Variants in THSD4 observed in about 807,000 individuals in gnomAD.
THSD4 encodes the protein thrombospondin type 1 domain containing 4.
THSD4 carries 69 observed loss-of-function variants against 119.0 expected under a neutral mutation model. The ratio of observed to expected loss-of-function variants is 0.58; its 90% CI spans 0.48 to 0.71. The LOEUF (loss-of-function observed/expected upper bound fraction) is 0.71, where lower values mean the gene tolerates loss of function less well. THSD4 is among the 30% of genes least tolerant of loss of function. The probability of loss-of-function intolerance (pLI) is 0.00; values close to 1 mark genes in which losing one functional copy is unlikely to be tolerated. For missense variants in THSD4, 1,393 were observed against 1,391.1 expected (o/e 1.00, Z -0.02); for synonymous variants, 524 against 540.4 (o/e 0.97, Z 0.42).
chr15:71,273,558 G>C (rs771501042), intron 6 of THSD4, among the ~76,000 whole-genome samples: 49 of 152,094 alleles, frequency 3.2e-4, no homozygotes, highest in Non-Finnish European at 5.9e-5. Context: ...TCACCACAAA[G>C]AAATAAGTAT....
Position 71,660,692 on chromosome 15 carries a change from A to G in THSD4, c.1315A>G (p.Lys439Glu). 1.2e-5 allele frequency: 19 copies of G among 1,614,158 alleles called. No individual in the cohort carries two copies. Among genetic ancestry groups the G allele is most frequent in the Non-Finnish European group, 1.6e-5 (19 of 1,180,014 alleles). ...CGTGGAGATTCCCGAGGGAGCCACG[A>G]AAATCAACATCACGGAGATGTACAA... ...RVVEIPEGAT[K>E]INITEMYKSN... The change falls in exon 8 of 18, where the codon AAA (lysine) becomes GAA (glutamate). Residue 439 changes from lysine (K) to glutamate (E), a missense_variant. By Grantham distance (56) the Lys-to-Glu change is moderately conservative. Transcript: ENST00000261862.
intron 8 of THSD4, among the ~76,000 whole-genome samples, chr15:71,726,391 C>G (rs2052838589): frequency 6.6e-6 from 1 of 152,228 alleles, no homozygotes; most frequent in African/African-American, 2.4e-5. Context: ...AGAAAAAGTT[C>G]TTATATTTTA....
chr15:71,699,039 A>G (rs2052228252), intron 8 of THSD4, among the ~76,000 whole-genome samples: 2 of 152,178 alleles, frequency 1.3e-5, no homozygotes, highest in South Asian at 4.2e-4. Flanking sequence ...TTGCATACTT[A>G]AAAATGTGTT....
intron 7 of THSD4, among the ~76,000 whole-genome samples, chr15:71,489,424 A>G (rs1409438867): frequency 6.6e-6 from 1 of 152,110 alleles, no homozygotes; most frequent in Non-Finnish European, 1.5e-5. Context: ...AATTGCATAA[A>G]TCTCAGGCCG....
At chr15:71,688,912 C>T (rs1214008258) in intron 8 of THSD4, among the ~76,000 whole-genome samples, 1 of 152,076 alleles carries the variant, frequency 6.6e-6, no homozygotes, top group Non-Finnish European at 1.5e-5. Context: ...ACAGATGTTC[C>T]AGAACCACGT....
intron 1 of THSD4, among the ~76,000 whole-genome samples, chr15:71,107,608 C>G (rs1414266502): frequency 2.0e-5 from 3 of 152,324 alleles, no homozygotes; most frequent in East Asian, 3.9e-4. Flanking sequence ...AAGTTTGTAT[C>G]TTAATCTACA....
At chr15:71,516,383 C>T (rs1289079165) in intron 7 of THSD4, among the ~76,000 whole-genome samples, 2 of 152,142 alleles carry the variant, frequency 1.3e-5, no homozygotes, top group Non-Finnish European at 2.9e-5. Context: ...AACAACCTCA[C>T]GGCTTGGCTT....
At chr15:71,224,759 C>T (rs1280239323) in intron 4 of THSD4, among the ~76,000 whole-genome samples, 2 of 152,158 alleles carry the variant, frequency 1.3e-5, no homozygotes, top group Non-Finnish European at 2.9e-5. Flanking sequence ...CCTCCCATCA[C>T]TCTAATCTCT....
chr15:71,613,924 GTAGACTAGAC>G (rs1451144118), intron 7 of THSD4, among the ~76,000 whole-genome samples: 1 of 152,184 alleles, frequency 6.6e-6, no homozygotes, highest in Non-Finnish European at 1.5e-5. Context: ...TTTGCTGCAT[GTAGACTAGAC>G]CATAAACTCA....
At chr15:71,479,960 G>C (rs555027703) in intron 7 of THSD4, among the ~76,000 whole-genome samples, 38 of 152,282 alleles carry the variant, frequency 2.5e-4, no homozygotes, top group Non-Finnish European at 2.8e-4. Flanking sequence ...GTGTGTGTAA[G>C]CACACATATG....
At chr15:71,670,830 C>CT (rs199564583) in intron 8 of THSD4, among the ~76,000 whole-genome samples, 1 of 151,232 alleles carries the variant, frequency 6.6e-6, no homozygotes, top group African/African-American at 2.4e-5. Context: ...TGAACTCATC[C>CT]TTTTTTTATG....
chr15:71,222,701 T>C (rs960839082), intron 4 of THSD4, among the ~76,000 whole-genome samples: 1 of 152,176 alleles, frequency 6.6e-6, no homozygotes, highest in Non-Finnish European at 1.5e-5. Flanking sequence ...GATTTCCTGT[T>C]GGGAAGGAGT....
intron 6 of THSD4, among the ~76,000 whole-genome samples, chr15:71,347,980 C>A (rs1401960423): frequency 6.6e-6 from 1 of 152,148 alleles, no homozygotes. Context: ...TTCCCAATAC[C>A]CATGGGTCTA....
intron 7 of THSD4, among the ~76,000 whole-genome samples, chr15:71,528,080 A>G (rs753360019): frequency 1.2e-4 from 19 of 152,086 alleles, no homozygotes; most frequent in Non-Finnish European, 2.5e-4. Context: ...TGCCTTAAGT[A>G]AGACTGAACA....
chr15:71,272,812 C>T (rs1219171052), intron 6 of THSD4, among the ~76,000 whole-genome samples: 2 of 151,094 alleles, frequency 1.3e-5, no homozygotes, highest in African/African-American at 4.9e-5. Flanking sequence ...GGCAGTGAGC[C>T]AAGATCATGC....
chr15:71,445,488 A>C (rs1293498802), intron 7 of THSD4, among the ~76,000 whole-genome samples: 2 of 152,224 alleles, frequency 1.3e-5, no homozygotes, highest in Non-Finnish European at 2.9e-5. Context: ...GGAGCTGCTG[A>C]TATCATACCA....
rs909946472 is a variant in THSD4, at chr15:71,155,239, G to A, written c.99+307G>A. On this transcript the variant is annotated intron_variant, in intron 3 of 17. Coordinates refer to ENST00000261862, the MANE Select transcript of THSD4 (RefSeq NM_024817.3). ...ACTTACAATTATGGCGGAAGACAAA[G>A]GGGGAACAGCACTTCACATGGCTGG... 5.3e-5 allele frequency among the ~76,000 whole-genome samples: 8 copies of A among 152,202 alleles called. No homozygotes were observed. The East Asian group carries it at 1.5e-3, about 29-fold the overall frequency.
In THSD4 at chr15:71,779,419, C is replaced by T. The variant is rs1595943807; in HGVS notation, c.*2045C>T. On this transcript the variant is annotated 3_prime_UTR_variant, in exon 18 of 18. Transcript: ENST00000261862. ...GTGGCTGCTCTCAGATCTTTCCAAG[C>T]AAGCCAGTCATTTGAAGAGGTTTTC... 6.6e-6 allele frequency: 1 copy of T among 152,226 alleles called. No homozygotes were observed. Among genetic ancestry groups the T allele is most frequent in the African/African-American group, 2.4e-5 (1 of 41,452 alleles). 9.4% of individuals were successfully genotyped at this position (152,226 alleles called of 1,614,324 possible). A position where few individuals can be genotyped will look rare whatever the true frequency, so the allele number is the denominator to read the frequency against.
chr15:71,774,182 A>G (rs1289091135), intron 17 of THSD4, among the ~76,000 whole-genome samples: 3 of 151,966 alleles, frequency 2.0e-5, no homozygotes, highest in Non-Finnish European at 4.4e-5. Flanking sequence ...GTGGTGGCGC[A>G]TGCCTATAGT....
Sources: allele counts gnomAD v4.1 joint callset (sites outside exome capture counted in the v4.1 genomes callset), GRCh38; gene constraint gnomAD v4.1.1; transcripts MANE v1.5; gene names NCBI Gene and HGNC (gene_info 2026-07-23, HGNC 2026-07-21).